The following TAF5L variants were observed in gnomAD, a reference collection of about 807,000 sequenced individuals.
TAF5L encodes the protein TAF5-like RNA polymerase II p300/CBP-associated factor-associated factor 65 kDa subunit 5L.
TAF5L carries 7 observed loss-of-function variants against 51.3 expected under a neutral mutation model. The ratio of observed to expected loss-of-function variants is 0.14; its 90% confidence interval spans 0.08 to 0.26. The LOEUF (loss-of-function observed/expected upper bound fraction) is 0.26. Among genes scored for constraint, TAF5L ranks in the 10% least tolerant of loss-of-function variants. TAF5L has a pLI of 1.00. For synonymous variants in TAF5L, 291 were observed against 308.1 expected, an observed-to-expected ratio of 0.94 and a Z score of 0.58; for missense variants, 575 against 758.9, an observed-to-expected ratio of 0.76 and a Z score of 2.85.
chr1:229,595,985 A>G (rs1180667072), intron 4 of TAF5L, among the ~76,000 whole-genome samples: 3 of 152,210 alleles, frequency 2.0e-5, no homozygotes, highest in Non-Finnish European at 4.4e-5. Context: ...ATTAACACAC[A>G]ACCATTGGTT....
In TAF5L at chr1:229,601,281, A is replaced by G. The variant is rs1357013289; in HGVS notation, c.972+914T>C. 4.1e-6 allele frequency: 4 copies of G among 985,292 alleles called. No individual in the cohort carries two copies. In the African/African-American group the frequency reaches 7.0e-5, roughly 17 times the overall value. The allele number at this position is 985,292 out of a possible 1,614,324, so 61.0% of individuals were successfully genotyped here. A position where few individuals can be genotyped will look rare whatever the true frequency, so the allele number is the denominator to read the frequency against. On this transcript the variant is annotated intron_variant, in intron 4 of 4. Transcript: ENST00000258281. ...CCTTATCATTAACTGTAATTTAATT[A>G]GAGTGATTTTTTTGCTCCTTAATTA...
At chr1:229,604,377 C>T (rs1319297166) in intron 3 of TAF5L, among the ~76,000 whole-genome samples, 5 of 152,094 alleles carry the variant, frequency 3.3e-5, no homozygotes. Context: ...TATCCCTACT[C>T]ATTATTTAGA....
chr1:229,606,246 T>C, intron 3 of TAF5L: 5 of 925,592 alleles, frequency 5.4e-6, no homozygotes, highest in Non-Finnish European at 5.2e-6. Flanking sequence ...AGATTCAGAA[T>C]TCTAACTCCC....
intron 1 of TAF5L, among the ~76,000 whole-genome samples, chr1:229,615,480 G>A (rs1664946791): frequency 6.6e-6 from 1 of 152,164 alleles, no homozygotes; most frequent in African/African-American, 2.4e-5. Flanking sequence ...AAGAGGGTAT[G>A]TATATGTGTT....
rs1288739880 is a variant in TAF5L at position 229,594,642 on chromosome 1, G to A, written c.1425C>T (p.Ala475=). 2 of 1,614,104 alleles carry A rather than the reference G, an allele frequency of 1.2e-6. No homozygotes were observed. ...CCAAGTACTTACCGTTGGGAGAAAA[G>A]GCGAGAGAAAGCACGGGGCCACGGT... The change falls in exon 5 of 5, where the codon GCC becomes GCT. Residue 475 remains alanine, a synonymous_variant. Transcript: ENST00000258281. The surrounding 1 kb of genome is among the most constrained non-coding windows in gnomAD (Gnocchi z 7.9).
Position 229,594,417 on chromosome 1 carries a change from G to C in TAF5L, c.1650C>G (p.Gly550=), listed in dbSNP as rs766672867. 2 of 1,614,206 alleles carry C rather than the reference G, an allele frequency of 1.2e-6. No individual in the cohort carries two copies. The highest frequency in any genetic ancestry group is 2.2e-5 in the South Asian group (2 of 91,088). Residue 550 remains glycine (G), a synonymous_variant, in exon 5 of 5, where the codon GGC becomes GGG. Coordinates refer to ENST00000258281, the Ensembl canonical transcript of TAF5L. This position sits in a 1 kb window ranked among gnomAD's most constrained non-coding sequence, Gnocchi z 7.9. ...ACACGCCCACGAGCTCGCTGGAGGAGCCGTCGGCAGGTGCACTGCAGTAAG... is the reference window on the plus strand; with the variant it reads ...ACACGCCCACGAGCTCGCTGGAGGACCCGTCGGCAGGTGCACTGCAGTAAG...
chr1:229,606,056 TTGAG>T (rs1474384341), intron 3 of TAF5L: 2 of 789,582 alleles, frequency 2.5e-6, no homozygotes, highest in Non-Finnish European at 3.1e-6. Flanking sequence ...GGCATTTCAA[TTGAG>T]TAAGTTTAGA....
At chr1:229,605,128 A>ATATATATATATATATATATATTTT (rs1340196774) in intron 3 of TAF5L, among the ~76,000 whole-genome samples, 6 of 145,092 alleles carry the variant, frequency 4.1e-5, no homozygotes, top group African/African-American at 1.3e-4. Context: ...ATATATATGT[A>ATATATATATATATATATATATTTT]TTTTTTTTTT....
intron 4 of TAF5L, chr1:229,601,059 A>G: frequency 1.0e-6 from 1 of 982,648 alleles, no homozygotes; most frequent in Non-Finnish European, 1.2e-6. Context: ...AATATTTTGG[A>G]GAGTACTATA....
chr1:229,610,004 C>T (rs752971237), intron 3 of TAF5L, 102 bp downstream of exon 3: 39 of 891,392 alleles, frequency 4.4e-5, no homozygotes, highest in East Asian at 2.6e-4. Context: ...TTCTTTTTAC[C>T]GCTCCTTGTG....
rs145560956 is a variant in TAF5L at position 229,614,414 on chromosome 1, C to G, written c.69G>C (p.Val23=). 3.4e-4 allele frequency: 546 copies of G among 1,614,068 alleles called. 1 individual carries two copies. Among genetic ancestry groups the G allele is most frequent in the Non-Finnish European group, 4.4e-4 (515 of 1,180,044 alleles). The change falls in exon 2 of 5, where the codon GTG becomes GTC. Residue 23 remains valine, a synonymous_variant. Transcript: ENST00000258281. The stretch of plus-strand genomic sequence containing the variant: ...CTTGCTTCAGGGGACCATCTGAGTC[C>G]ACGTACTGCCGGCGTTTGAGGTAGC...
intron 4 of TAF5L, among the ~76,000 whole-genome samples, chr1:229,597,468 A>G (rs995238844): frequency 6.6e-6 from 1 of 152,208 alleles, no homozygotes; most frequent in African/African-American, 2.4e-5. Flanking sequence ...CCTGTTGGCT[A>G]TCACTGTCAG....
chr1:229,601,514 C>T (rs939661165), intron 4 of TAF5L: 113 of 985,412 alleles, frequency 1.1e-4, no homozygotes, highest in South Asian at 1.9e-4. Context: ...ACCCAAGCTG[C>T]GCCTGCCCTT....
chr1:229,594,206 TCA>T lies in TAF5L; in HGVS notation c.*89_*90del, dbSNP rs886299856. The T allele has an allele frequency of 7.2e-7, 1 of 1,393,584 alleles. No individual in the cohort carries two copies. The highest frequency in any genetic ancestry group is 1.4e-5 in the African/African-American group (1 of 69,376). The allele number at this position is 1,393,584 out of a possible 1,614,324, so 86.3% of individuals were successfully genotyped here. ...GGAGAGAGGGGAGGAGGGGGCTCTT[TCA>T]CAGTCAATGATTCAATCTCAGCTCA... On this transcript the variant is annotated 3_prime_UTR_variant, in exon 5 of 5. Transcript: ENST00000258281. The surrounding 1 kb of genome is among the most constrained non-coding windows in gnomAD (Gnocchi z 7.9).
intron 3 of TAF5L, among the ~76,000 whole-genome samples, chr1:229,609,185 C>A (rs1664704807): frequency 6.6e-6 from 1 of 152,158 alleles, no homozygotes. Context: ...AAAAGTAAAT[C>A]ACCAAATGTA....
At position 229,614,155 on chromosome 1, in the gene TAF5L, C is replaced by T. The variant is rs114433906; in HGVS notation, c.142+186G>A. ...AGGTTATCAGAAGTGACAATGTGAGCACCGCTCTAAATGACAGACAGGGTC... is the reference window on the plus strand; with the variant it reads ...AGGTTATCAGAAGTGACAATGTGAGTACCGCTCTAAATGACAGACAGGGTC... On this transcript the variant is annotated intron_variant, in intron 2 of 4. Transcript: ENST00000258281. The T allele has an allele frequency of 7.0e-4, 631 of 897,188 alleles. 4 individuals are homozygous for T. The African/African-American group carries it at 9.4e-3, about 13-fold the overall frequency. 55.6% of individuals were successfully genotyped at this position (897,188 alleles called of 1,614,324 possible).
At chr1:229,596,805 T>C (rs1431263081) in intron 4 of TAF5L, among the ~76,000 whole-genome samples, 1 of 152,196 alleles carries the variant, frequency 6.6e-6, no homozygotes, top group Non-Finnish European at 1.5e-5. Flanking sequence ...ATGATGAAGA[T>C]CCCCAAACCA....
chr1:229,607,576 G>T, intron 3 of TAF5L: 1 of 746,438 alleles, frequency 1.3e-6, no homozygotes, highest in Non-Finnish European at 1.6e-6. Context: ...CTCCTGCTCA[G>T]TAAAGCCTTC....
At chr1:229,624,126 T>C (rs892634020) in intron 1 of TAF5L, among the ~76,000 whole-genome samples, 6 of 152,214 alleles carry the variant, frequency 3.9e-5, no homozygotes, top group Non-Finnish European at 5.9e-5. Flanking sequence ...TCCCCAGAGA[T>C]GTCCTTCACA....
Sources: allele counts gnomAD v4.1 joint callset (sites outside exome capture counted in the v4.1 genomes callset), GRCh38; gene constraint gnomAD v4.1.1; non-coding constraint Gnocchi (gnomAD v3.1); transcripts MANE v1.5; gene names NCBI Gene and HGNC (gene_info 2026-07-23, HGNC 2026-07-21).